Variants in HDAC5 observed in about 807,000 individuals in gnomAD.
HDAC5 encodes the protein antigen NY-CO-9.
A neutral mutation model predicts 133.3 loss-of-function variants in HDAC5; 25 were observed. That is an observed-to-expected ratio of 0.19 (90% CI 0.14 to 0.26). HDAC5 has a LOEUF of 0.26. Among genes scored for constraint, HDAC5 ranks in the 10% least tolerant of loss-of-function variants. HDAC5 has a pLI of 1.00. For missense variants in HDAC5, 1,041 were observed against 1,460.5 expected (o/e 0.71, Z 4.68); for synonymous variants, 589 against 610.8 (o/e 0.96, Z 0.53).
intron 14 of HDAC5, among the ~76,000 whole-genome samples, chr17:44,085,959 GCC>G (rs1410221887): frequency 6.6e-6 from 1 of 152,094 alleles, no homozygotes; most frequent in East Asian, 1.9e-4. Flanking sequence ...TCCAGCCTTT[GCC>G]CCCTCTTGAC....
At chr17:44,113,067 C>A (rs1222306099) in intron 2 of HDAC5, among the ~76,000 whole-genome samples, 1 of 152,160 alleles carries the variant, frequency 6.6e-6, no homozygotes, top group African/African-American at 2.4e-5. Flanking sequence ...GAGCAGCAAC[C>A]CCTCCCAGCC....
Position 44,080,437 on chromosome 17 carries a change from G to A in HDAC5, c.2789C>T (p.Pro930Leu), listed in dbSNP as rs1306889464. The A allele has an allele frequency of 1.9e-6, 3 of 1,613,982 alleles. No homozygotes were observed. The highest frequency in any genetic ancestry group is 1.3e-5 in the African/African-American group (1 of 74,892). Reference protein sequence around the residue: ...VNVAWTGGVDPPIGDVEYLTA... With the variant: ...VNVAWTGGVDLPIGDVEYLTA... ...AAGGTACTCCACGTCTCCAATGGGG[G>A]GGTCCACACCTCCTGTCCATGCCAC... Residue 930 changes from proline (P) to leucine (L), a missense_variant, in exon 22 of 27, where the codon CCC becomes CTC. Physicochemically the swap from Pro to Leu is moderately conservative, Grantham distance 98. Around this residue, in one of 9 missense-constraint regions of HDAC5, gnomAD observed 174 missense variants for 352.7 expected, o/e 0.49. Transcript: ENST00000682912.
chr17:44,106,498 T>C (rs1324244287), intron 3 of HDAC5, among the ~76,000 whole-genome samples: 1 of 152,038 alleles, frequency 6.6e-6, no homozygotes, highest in Non-Finnish European at 1.5e-5. Flanking sequence ...GGGGCTGACA[T>C]CTAGCCCAAG....
intron 20 of HDAC5, chr17:44,082,301 G>GT: frequency 2.0e-6 from 1 of 491,192 alleles, no homozygotes; most frequent in Non-Finnish European, 3.7e-6. Context: ...CGTCACTACC[G>GT]TTCAAGGTAG....
Position 44,078,146 on chromosome 17 carries a change from A to C in HDAC5, c.*230T>G. ...AGAATGCAGGAAAATGGGGGGAGGG[A>C]CACATGGGACAGGGCTGGGAAGACA... On this transcript the variant is annotated 3_prime_UTR_variant, in exon 27 of 27. Coordinates refer to ENST00000682912, the MANE Select transcript of HDAC5 (RefSeq NM_005474.5). 2.3e-6 allele frequency: 1 copy of C among 428,666 alleles called. No individual in the cohort carries two copies. The allele number at this position is 428,666 out of a possible 1,614,324, so 26.6% of individuals were successfully genotyped here.
At chr17:44,106,988 C>T (rs984500011) in intron 3 of HDAC5, among the ~76,000 whole-genome samples, 3 of 150,120 alleles carry the variant, frequency 2.0e-5, no homozygotes, top group South Asian at 2.1e-4. Flanking sequence ...CTTGTTATAG[C>T]GCCCAGGCTG....
chr17:44,091,352 G>T lies in HDAC5; in HGVS notation c.1305C>A (p.Asp435Glu). 1 of 1,603,968 alleles carries T rather than the reference G, an allele frequency of 6.2e-7. No individual in the cohort carries two copies. The highest frequency in any genetic ancestry group is 8.5e-7 in the Non-Finnish European group (1 of 1,175,474). The change falls in exon 11 of 27, where the codon GAC (aspartate) becomes GAA (glutamate). Residue 435 changes from aspartate to glutamate, a missense_variant. Transcript: ENST00000682912. ...GCLLGVALEG[D>E]GSPHGHASLL... ...GGGAGGCATGCCCGTGGGGGCTCCC[G>T]TCGCCCTCCAGTGCCACGCCCAGCA...
At chr17:44,101,222 G>A (rs569807641) in intron 3 of HDAC5, among the ~76,000 whole-genome samples, 192 of 151,216 alleles carry the variant, frequency 1.3e-3, no homozygotes, top group African/African-American at 4.5e-3. Flanking sequence ...TGGCTAACAC[G>A]GTGAAACACC....
rs937139171 is a variant in HDAC5, at chr17:44,078,040, G to GA, written c.*335_*336insT. The GA allele has an allele frequency of 1.8e-4, 44 of 248,094 alleles. No homozygotes were observed. Among genetic ancestry groups the GA allele is most frequent in the Admixed American group, 6.7e-4 (12 of 18,008 alleles). The allele number at this position is 248,094 out of a possible 1,614,324, so 15.4% of individuals were successfully genotyped here. A position where few individuals can be genotyped will look rare whatever the true frequency, so the allele number is the denominator to read the frequency against. ...CTTCCCGTTCCCTCCTCACTCGGGG[G>GA]GCCCCAGAACTGGAGAGTACTGTCT... On this transcript the variant is annotated 3_prime_UTR_variant, in exon 27 of 27. Coordinates refer to ENST00000682912, the MANE Select transcript of HDAC5 (RefSeq NM_005474.5).
At chr17:44,084,022 G>A (rs780202455) in intron 16 of HDAC5, among the ~76,000 whole-genome samples, 168 bp from the exon 17 acceptor site, 9 of 151,958 alleles carry the variant, frequency 5.9e-5, no homozygotes, top group Non-Finnish European at 1.3e-4. Flanking sequence ...TACTCAATAG[G>A]CTCAGGCAAG....
At chr17:44,122,073 A>G (rs2053041200) in intron 1 of HDAC5, among the ~76,000 whole-genome samples, 1 of 152,152 alleles carries the variant, frequency 6.6e-6, no homozygotes, top group Non-Finnish European at 1.5e-5. Flanking sequence ...CTTTGTGTTT[A>G]GGGAGGGAGA....
intron 13 of HDAC5, 141 bp from the exon 14 acceptor site, chr17:44,086,878 C>G (rs1465815167): frequency 1.4e-5 from 7 of 498,538 alleles, no homozygotes; most frequent in Non-Finnish European, 2.2e-5. Context: ...CCACTTGCTC[C>G]CTCCAGGGAC....
intron 3 of HDAC5, among the ~76,000 whole-genome samples, chr17:44,102,070 T>C (rs1039312270): frequency 1.3e-5 from 2 of 152,216 alleles, no homozygotes; most frequent in Non-Finnish European, 2.9e-5. Flanking sequence ...ATGGTTCCTG[T>C]GCTCTAGGAG....
intron 1 of HDAC5, chr17:44,123,303 G>A (rs563532346): frequency 6.6e-4 from 213 of 322,776 alleles, no homozygotes; most frequent in African/African-American, 4.1e-3. Context: ...GGCGCGCGCA[G>A]CAACCCCGAT....
chr17:44,083,875 G>C (rs369099811), intron 16 of HDAC5, 21 bp from the exon 17 acceptor site: 1 of 1,612,432 alleles, frequency 6.2e-7, no homozygotes, highest in Admixed American at 1.7e-5. Flanking sequence ...GAGGAATAGA[G>C]CTACTCTAGA....
intron 1 of HDAC5, among the ~76,000 whole-genome samples, chr17:44,121,161 G>A (rs1447847883): frequency 1.3e-5 from 2 of 151,450 alleles, no homozygotes; most frequent in African/African-American, 4.9e-5. Flanking sequence ...GGAGGAGGCG[G>A]AGGCAGAGGG....
Position 44,117,844 on chromosome 17 carries a change from G to A in HDAC5, c.-189-140C>T. The A allele has an allele frequency of 1.8e-6, 1 of 562,674 alleles. No homozygotes were observed. Among genetic ancestry groups the A allele is most frequent in the Non-Finnish European group, 3.2e-6 (1 of 315,626 alleles). 34.9% of individuals were successfully genotyped at this position (562,674 alleles called of 1,614,324 possible). On this transcript the variant is annotated intron_variant, in intron 1 of 26. Transcript: ENST00000682912. This position sits in a 1 kb window ranked among gnomAD's most constrained non-coding sequence, Gnocchi z 4.2. ...CTGCCCACAGCCACAGGAGAAATCT[G>A]CAGAACTGGATAGACCCTGGTTTCT...
Position 44,078,388 on chromosome 17 carries a change from C to G in HDAC5, c.3357G>C (p.Glu1119Asp). The change falls in exon 27 of 27, where the codon GAG becomes GAC. Residue 1119 changes from glutamate to aspartate, a missense_variant. By Grantham distance (45) the Glu-to-Asp change is conservative. Around this residue, in one of 9 missense-constraint regions of HDAC5, gnomAD observed 95 missense variants for 107.3 expected, o/e 0.88. Coordinates refer to ENST00000682912, the MANE Select transcript of HDAC5 (RefSeq NM_005474.5). The part of the protein sequence containing the change: ...PRPAEEPMEQ[E>D]PAL ...GGGGGCCGGGGCGTCACAGGGCAGG[C>G]TCCTGCTCCATGGGCTCCTCTGCCG... is the stretch of plus-strand genomic sequence containing the variant. 1 of 1,528,166 alleles carries G rather than the reference C, an allele frequency of 6.5e-7. No individual in the cohort carries two copies. Among genetic ancestry groups the G allele is most frequent in the Non-Finnish European group, 8.8e-7 (1 of 1,138,518 alleles). The allele number at this position is 1,528,166 out of a possible 1,614,324, so 94.7% of individuals were successfully genotyped here.
chr17:44,110,760 C>A lies in HDAC5; in HGVS notation c.63G>T (p.Pro21=), dbSNP rs770492573. ...CAGGGATGCTGTGCAGAGAAGTCCG[C>A]GGCAGGATTTCCAAGGATGGTTCCC... ...SGREPSLEIL[P]RTSLHSIPVT... The change falls in exon 3 of 27, where the codon CCG becomes CCT. Residue 21 remains proline, a synonymous_variant. Transcript: ENST00000682912. 1.7e-5 allele frequency: 27 copies of A among 1,613,926 alleles called. 1 individual carries two copies. In the South Asian group the frequency reaches 2.4e-4, roughly 14 times the overall value.
Sources: allele counts gnomAD v4.1 joint callset (sites outside exome capture counted in the v4.1 genomes callset), GRCh38; gene constraint gnomAD v4.1.1; regional missense constraint gnomAD v4.1.1; non-coding constraint Gnocchi (gnomAD v3.1); transcripts MANE v1.5; gene names NCBI Gene and HGNC (gene_info 2026-07-23, HGNC 2026-07-21).